CEP63: variants seen among roughly 807,000 people sequenced by gnomAD.
CEP63 encodes the protein centrosomal protein 63, also known as centrosomal protein of 63 kDa.
A neutral mutation model predicts 89.1 loss-of-function variants in CEP63; 84 were observed. That is an observed-to-expected ratio of 0.94 (90% CI 0.79 to 1.13). CEP63 has a LOEUF of 1.13. Among genes scored for constraint, CEP63 ranks in the 50% most tolerant of loss-of-function variants. The probability of loss-of-function intolerance (pLI) is 0.00; values close to 1 mark genes in which losing one functional copy is unlikely to be tolerated. For synonymous variants in CEP63, 267 were observed against 272.5 expected (o/e 0.98, Z 0.20); for missense variants, 838 against 813.3 (o/e 1.03, Z -0.37).
intron 1 of CEP63, among the ~76,000 whole-genome samples, chr3:134,492,070 C>CTTTTTTTTTTTTTTTTTTTT (rs74269453): frequency 9.6e-6 from 1 of 103,682 alleles, no homozygotes; most frequent in African/African-American, 3.7e-5. Context: ...TATTTGTATT[C>CTTTTTTTTTTTTTTTTTTTT]TTTTTTTTTT....
chr3:134,548,885 AC>A lies in CEP63; in HGVS notation c.1068-176del, dbSNP rs147591167. Among the ~76,000 whole-genome samples the A allele has an allele frequency of 1.6e-4, 24 of 152,332 alleles. No individual in the cohort carries two copies. The East Asian group carries it at 3.7e-3, about 23-fold the overall frequency. ...ATTTTTGACGTTGGGACAACAGTTT[AC>A]ATTTTTATCACAGTTTTTTTATTGA... On this transcript the variant is annotated intron_variant, in intron 9 of 14. Transcript: ENST00000675561.
chr3:134,617,735 G>T, the CEP63 span, among the ~76,000 whole-genome samples: 1 of 152,238 alleles, frequency 6.6e-6, no homozygotes, highest in South Asian at 2.1e-4. Context: ...TACAAAGGAA[G>T]GGGAAGGTTG....
At chr3:134,512,147 C>G (rs1945127115) in intron 3 of CEP63, among the ~76,000 whole-genome samples, 3 of 152,200 alleles carry the variant, frequency 2.0e-5, no homozygotes, top group Admixed American at 2.0e-4. Context: ...GTCTGTTACA[C>G]TGAACGGTGT....
chr3:134,651,873 G>A, the CEP63 span, among the ~76,000 whole-genome samples: 1 of 152,198 alleles, frequency 6.6e-6, no homozygotes, highest in Non-Finnish European at 1.5e-5. Flanking sequence ...GGTCTCAGGA[G>A]TGTTTACATA....
At chr3:134,558,559 C>T (rs546439252) in intron 13 of CEP63, among the ~76,000 whole-genome samples, 7 of 152,080 alleles carry the variant, frequency 4.6e-5, no homozygotes, top group Non-Finnish European at 8.8e-5. Flanking sequence ...TAGTTTTGTA[C>T]ACTCTGGATA....
the CEP63 span, among the ~76,000 whole-genome samples, chr3:134,727,267 A>T: frequency 6.6e-6 from 1 of 152,210 alleles, no homozygotes; most frequent in Non-Finnish European, 1.5e-5. Context: ...TTCTCTCTCA[A>T]TGTGAACTGT....
At chr3:134,615,048 C>T in the CEP63 span, 2 of 152,340 alleles carry the variant, frequency 1.3e-5, no homozygotes, top group South Asian at 4.1e-4. Context: ...TTATCTTTCA[C>T]AATTTATGTA....
the CEP63 span, among the ~76,000 whole-genome samples, chr3:134,598,975 C>T: frequency 3.3e-5 from 5 of 152,234 alleles, no homozygotes; most frequent in Non-Finnish European, 7.3e-5. Flanking sequence ...CAGCCCCTTG[C>T]CCTCAGGCAA....
intron 3 of CEP63, among the ~76,000 whole-genome samples, chr3:134,514,317 G>C (rs1031712984): frequency 3.3e-5 from 5 of 151,944 alleles, no homozygotes; most frequent in African/African-American, 1.2e-4. Flanking sequence ...ATAGATGAAA[G>C]GATATGAGAA....
chr3:134,523,664 GT>G (rs1948000094), intron 3 of CEP63, among the ~76,000 whole-genome samples: 1 of 152,082 alleles, frequency 6.6e-6, no homozygotes. Flanking sequence ...CTTATTGCTT[GT>G]TTTTGTCAGT....
chr3:134,492,123 G>C (rs1426678616), intron 1 of CEP63, among the ~76,000 whole-genome samples: 2 of 142,060 alleles, frequency 1.4e-5, no homozygotes, highest in African/African-American at 5.3e-5. Flanking sequence ...GCCCAGGCTG[G>C]AGTGCAGTGG....
chr3:134,691,451 C>T, the CEP63 span, among the ~76,000 whole-genome samples: 1 of 151,056 alleles, frequency 6.6e-6, no homozygotes, highest in African/African-American at 2.4e-5. Flanking sequence ...CCTGTCTCTA[C>T]AAAAATAGCA....
intron 6 of CEP63, among the ~76,000 whole-genome samples, chr3:134,541,797 G>A (rs1401086078): frequency 6.6e-6 from 1 of 152,124 alleles, no homozygotes; most frequent in Non-Finnish European, 1.5e-5. Flanking sequence ...ACAGGTGTGA[G>A]CCACTGCGCC....
the CEP63 span, among the ~76,000 whole-genome samples, chr3:134,688,628 G>T: frequency 0.014 from 2,146 of 152,286 alleles, 29 homozygotes; most frequent in Middle Eastern, 0.027. Context: ...TTATTTGACA[G>T]GTGCACCAAG....
At position 134,546,207 on chromosome 3, in the gene CEP63, T is replaced by C. The variant is rs1953278211; in HGVS notation, c.848T>C (p.Ile283Thr). ...KAALQSQENL[I>T]HEARIQKEKL... ...GCTCTTCAGTCTCAAGAAAATCTCA[T>C]ACATGAGGCCAGAATACAAAAGGAG... Residue 283 changes from isoleucine (I) to threonine (T), a missense_variant, in exon 8 of 15, where the codon ATA becomes ACA. Physicochemically the swap from Ile to Thr is moderately conservative, Grantham distance 89. Coordinates refer to ENST00000675561, the MANE Select transcript of CEP63 (RefSeq NM_001353108.3). The C allele has an allele frequency of 1.2e-6, 2 of 1,613,864 alleles. No individual in the cohort carries two copies. The highest frequency in any genetic ancestry group is 2.2e-5 in the East Asian group (1 of 44,814).
At chr3:134,748,285 T>C in the CEP63 span, among the ~76,000 whole-genome samples, 1 of 152,226 alleles carries the variant, frequency 6.6e-6, no homozygotes, top group Non-Finnish European at 1.5e-5. Flanking sequence ...ATAAATTTCC[T>C]GTACCCAAAT....
the CEP63 span, among the ~76,000 whole-genome samples, chr3:134,777,738 C>T: frequency 4.0e-5 from 6 of 149,908 alleles, no homozygotes; most frequent in Admixed American, 3.3e-4. Flanking sequence ...CTCAGCCTCT[C>T]GAGTAGCTGG....
At chr3:134,642,721 G>A in the CEP63 span, among the ~76,000 whole-genome samples, 8 of 152,230 alleles carry the variant, frequency 5.3e-5, no homozygotes, top group African/African-American at 1.7e-4. Context: ...ACAAGGGAGG[G>A]CTTGGATGCC....
intron 3 of CEP63, among the ~76,000 whole-genome samples, chr3:134,531,598 AAG>A (rs111890176): frequency 1.3e-5 from 2 of 152,216 alleles, no homozygotes; most frequent in South Asian, 2.1e-4. Flanking sequence ...AAAAAAGAAA[AAG>A]AGAGAGAGTC....
Sources: gnomAD v4.1 joint callset for allele counts (sites outside exome capture counted in the v4.1 genomes callset) on GRCh38, gnomAD v4.1.1 for gene constraint, MANE v1.5 for transcripts, NCBI Gene and HGNC (gene_info 2026-07-23, HGNC 2026-07-21) for gene names.